ZNF385D: variants seen among roughly 807,000 people sequenced by gnomAD.
ZNF385D encodes the protein zinc finger protein 659.
A neutral mutation model predicts 35.8 loss-of-function variants in ZNF385D; 15 were observed. The observed-to-expected ratio is 0.42, with a 90% CI of 0.28 to 0.64. The LOEUF is 0.64. ZNF385D is among the 30% of genes least tolerant of loss of function. ZNF385D has a pLI of 0.23. For synonymous variants in ZNF385D, 212 were observed against 186.8 expected (o/e 1.13, Z -1.10); for missense variants, 474 against 494.6 (o/e 0.96, Z 0.39).
chr3:22,290,060 G>T (rs568713440), intron 2 of ZNF385D, among the ~76,000 whole-genome samples: 14 of 152,226 alleles, frequency 9.2e-5, no homozygotes, highest in African/African-American at 3.1e-4. Flanking sequence ...TGCCTATATA[G>T]AACTGCTACA....
intron 2 of ZNF385D, among the ~76,000 whole-genome samples, chr3:22,269,134 G>C (rs969390550): frequency 6.6e-6 from 1 of 151,916 alleles, no homozygotes; most frequent in Non-Finnish European, 1.5e-5. Flanking sequence ...ATGTATATCT[G>C]TATGCATAAC....
chr3:21,857,638 G>A (rs1469469063), intron 3 of ZNF385D, among the ~76,000 whole-genome samples: 2 of 151,974 alleles, frequency 1.3e-5, no homozygotes, highest in East Asian at 3.9e-4. Context: ...GCCTCAGAGG[G>A]AAAGAAAATG....
At chr3:22,256,947 G>C (rs1346388539) in intron 2 of ZNF385D, among the ~76,000 whole-genome samples, 1 of 151,510 alleles carries the variant, frequency 6.6e-6, no homozygotes, top group African/African-American at 2.4e-5. Flanking sequence ...ATTTTTTTCA[G>C]GTTAAGGAAG....
At chr3:22,171,986 C>T (rs917131775) in intron 2 of ZNF385D, among the ~76,000 whole-genome samples, 9 of 151,984 alleles carry the variant, frequency 5.9e-5, no homozygotes, top group African/African-American at 2.2e-4. Context: ...TTTTCCTCCC[C>T]AATATGGTAA....
chr3:21,736,774 C>T (rs1332825688), intron 1 of ZNF385D, among the ~76,000 whole-genome samples: 1 of 152,140 alleles, frequency 6.6e-6, no homozygotes, highest in Non-Finnish European at 1.5e-5. Flanking sequence ...TTCTATCCTA[C>T]AAATCCATGC....
chr3:21,869,270 A>G (rs1697555624), intron 3 of ZNF385D, among the ~76,000 whole-genome samples: 1 of 152,156 alleles, frequency 6.6e-6, no homozygotes. Flanking sequence ...ATAGCATAAC[A>G]TTGGGATGGG....
intron 2 of ZNF385D, among the ~76,000 whole-genome samples, chr3:22,295,365 G>A (rs546925245): frequency 6.6e-6 from 1 of 152,276 alleles, no homozygotes; most frequent in East Asian, 1.9e-4. Flanking sequence ...ACATGAGGGA[G>A]AGAAACTGAT....
At chr3:21,716,386 T>G (rs2068319769) in intron 1 of ZNF385D, among the ~76,000 whole-genome samples, 2 of 152,178 alleles carry the variant, frequency 1.3e-5, no homozygotes, top group Non-Finnish European at 2.9e-5. Flanking sequence ...TCTCCCTAGA[T>G]GATCCCCACC....
At chr3:22,203,502 T>G (rs539851336) in intron 2 of ZNF385D, among the ~76,000 whole-genome samples, 1 of 152,154 alleles carries the variant, frequency 6.6e-6, no homozygotes, top group South Asian at 2.1e-4. Context: ...CTTTGTCTTA[T>G]AGCTTAGGTA....
chr3:21,678,518 A>G (rs1405744184), intron 1 of ZNF385D, among the ~76,000 whole-genome samples: 3 of 152,118 alleles, frequency 2.0e-5, no homozygotes, highest in Non-Finnish European at 4.4e-5. Context: ...AGAAAACGCA[A>G]CAACAAATAA....
chr3:21,965,896 GA>G (rs1216768721), intron 3 of ZNF385D, among the ~76,000 whole-genome samples: 1 of 152,104 alleles, frequency 6.6e-6, no homozygotes, highest in Non-Finnish European at 1.5e-5. Context: ...AAGCAAATGG[GA>G]AACCTGCAAA....
rs531350165 is a variant in ZNF385D at position 21,420,845 on chromosome 3, A to C, written c.*369T>G. On this transcript the variant is annotated 3_prime_UTR_variant, in exon 8 of 8. Transcript: ENST00000281523. ...AAATTATTTTATATACATTGGAACC[A>C]GTTAATGCCCTTAGACAATGTATAG... 3.5e-5 allele frequency: 6 copies of C among 171,206 alleles called. No homozygotes were observed. Among genetic ancestry groups the C allele is most frequent in the African/African-American group, 1.4e-4 (6 of 42,146 alleles). The allele number at this position is 171,206 out of a possible 1,614,324, so 10.6% of individuals were successfully genotyped here. A position where few individuals can be genotyped will look rare whatever the true frequency, so the allele number is the denominator to read the frequency against.
chr3:22,000,251 G>A (rs1270297870), intron 3 of ZNF385D, among the ~76,000 whole-genome samples: 1 of 151,964 alleles, frequency 6.6e-6, no homozygotes, highest in Non-Finnish European at 1.5e-5. Context: ...CTTGCAGTGA[G>A]TGGAGATCAT....
intron 3 of ZNF385D, among the ~76,000 whole-genome samples, chr3:22,141,799 A>G (rs1463407992): frequency 1.6e-4 from 25 of 152,184 alleles, no homozygotes; most frequent in Admixed American, 1.5e-3. Context: ...TCAGTTTTCA[A>G]TTTTATAACT....
chr3:22,070,849 C>A (rs1260818321), intron 3 of ZNF385D, among the ~76,000 whole-genome samples: 1 of 152,246 alleles, frequency 6.6e-6, no homozygotes, highest in South Asian at 2.1e-4. Flanking sequence ...TTTCAACTGG[C>A]TTCAATTTAA....
intron 3 of ZNF385D, among the ~76,000 whole-genome samples, chr3:21,859,252 G>A (rs951195483): frequency 6.6e-6 from 1 of 151,998 alleles, no homozygotes; most frequent in Non-Finnish European, 1.5e-5. Context: ...CAGCAAAACT[G>A]CGCTTTATAC....
rs1700580131 is a variant in ZNF385D, at chr3:21,417,633, C to A, written c.*3581G>T. 1 of 152,096 alleles carries A rather than the reference C, an allele frequency of 6.6e-6. No homozygotes were observed. Among genetic ancestry groups the A allele is most frequent in the Non-Finnish European group, 1.5e-5 (1 of 67,972 alleles). The allele number at this position is 152,096 out of a possible 1,614,324, so 9.4% of individuals were successfully genotyped here. A position where few individuals can be genotyped will look rare whatever the true frequency, so the allele number is the denominator to read the frequency against. On this transcript the variant is annotated 3_prime_UTR_variant, in exon 8 of 8. Coordinates refer to ENST00000281523, the MANE Select transcript of ZNF385D (RefSeq NM_024697.3). ...AATTGGTGATATTTATTGCTCATGT[C>A]TACTATGTGTTGGTTTGTGCCTTAG...
Position 21,788,208 on chromosome 3 carries a change from GT to G in ZNF385D, c.326-123181del, listed in dbSNP as rs1330638106. Among the ~76,000 whole-genome samples, 3 of 152,234 alleles carry G rather than the reference GT, an allele frequency of 2.0e-5. No individual in the cohort carries two copies. In the East Asian group the frequency reaches 5.8e-4, roughly 29 times the overall value. ...AAGATAGTAAGATGGGGCGGGCGCA[GT>G]GGCTCACGCCTGTTATCTCAGCACT... On this transcript the variant is annotated intron_variant, in intron 3 of 5. Transcript: ENST00000494108.
chr3:22,099,345 T>G (rs1701804025), intron 3 of ZNF385D, among the ~76,000 whole-genome samples: 1 of 152,106 alleles, frequency 6.6e-6, no homozygotes, highest in African/African-American at 2.4e-5. Flanking sequence ...AGTCATGTAG[T>G]CCATAAGAAA....
Sources: allele counts gnomAD v4.1 joint callset (sites outside exome capture counted in the v4.1 genomes callset), GRCh38; gene constraint gnomAD v4.1.1; transcripts MANE v1.5; gene names NCBI Gene and HGNC (gene_info 2026-07-23, HGNC 2026-07-21).